The following ATE1 variants were observed in gnomAD, a reference collection of about 807,000 sequenced individuals.
ATE1 encodes arginyltransferase 1, also known as arginyl-tRNA--protein transferase 1.
ATE1 carries 36 observed loss-of-function variants against 70.5 expected under a neutral mutation model. The ratio of observed to expected loss-of-function variants is 0.51; its 90% CI spans 0.39 to 0.67. The LOEUF (loss-of-function observed/expected upper bound fraction) is 0.67. Among genes scored for constraint, ATE1 ranks in the 30% least tolerant of loss-of-function variants. ATE1 has a pLI of 0.00. For missense variants in ATE1, 593 were observed against 629.5 expected, an observed-to-expected ratio of 0.94 and a Z score of 0.62; for synonymous variants, 232 against 219.3, an observed-to-expected ratio of 1.06 and a Z score of -0.51.
At chr10:121,919,605 C>T (rs1054614846) in intron 3 of ATE1, among the ~76,000 whole-genome samples, 6 of 151,614 alleles carry the variant, frequency 4.0e-5, no homozygotes, top group African/African-American at 7.3e-5. Flanking sequence ...TGGGAGTCTG[C>T]GATCATTCTA....
At chr10:121,926,882 C>G in intron 1 of ATE1, 1 of 985,416 alleles carries the variant, frequency 1.0e-6, no homozygotes, top group Non-Finnish European at 1.2e-6. Flanking sequence ...TCACTTCTAA[C>G]GATTGCATAA....
chr10:121,759,092 C>A (rs1398148386), intron 11 of ATE1, among the ~76,000 whole-genome samples: 3 of 152,194 alleles, frequency 2.0e-5, no homozygotes, highest in Non-Finnish European at 4.4e-5. Flanking sequence ...GATGAAGGCA[C>A]ACTGAAAGCT....
intron 8 of ATE1, among the ~76,000 whole-genome samples, chr10:121,859,262 T>TA (rs1949378512): frequency 7.0e-6 from 1 of 143,424 alleles, no homozygotes; most frequent in East Asian, 2.3e-4. Context: ...TTTATTTTAT[T>TA]TTTTTTTTTT....
intron 5 of ATE1, among the ~76,000 whole-genome samples, chr10:121,902,960 G>A (rs1438535951): frequency 6.6e-6 from 1 of 151,886 alleles, no homozygotes; most frequent in Non-Finnish European, 1.5e-5. Flanking sequence ...CCGCCTCCCA[G>A]GTTCAAGCAA....
intron 11 of ATE1, among the ~76,000 whole-genome samples, chr10:121,763,871 GAGCACTGTGGTGCACACCTGTAGTCCC>G (rs1259790538): frequency 6.6e-6 from 1 of 151,974 alleles, no homozygotes; most frequent in Non-Finnish European, 1.5e-5. Flanking sequence ...AAAATTAGCC[GAGCACTGTGGTGCACACCTGTAGTCCC>G]AGCTACTTGG....
At chr10:121,874,150 T>C (rs1949953111) in intron 7 of ATE1, among the ~76,000 whole-genome samples, 1 of 152,164 alleles carries the variant, frequency 6.6e-6, no homozygotes, top group Admixed American at 6.5e-5. Context: ...TCAATCTAAA[T>C]TACACCTCAT....
intron 11 of ATE1, among the ~76,000 whole-genome samples, 188 bp from the exon 12 acceptor site, chr10:121,744,046 C>G (rs1944246900): frequency 6.6e-6 from 1 of 150,948 alleles, no homozygotes; most frequent in African/African-American, 2.4e-5. Context: ...CCTCAGCCTC[C>G]CAAGTAGCTG....
chr10:121,791,844 C>T (rs1328493554), intron 10 of ATE1, among the ~76,000 whole-genome samples: 2 of 152,182 alleles, frequency 1.3e-5, no homozygotes, highest in Admixed American at 6.5e-5. Flanking sequence ...AAATGAGTTA[C>T]ACCATAGAGT....
chr10:121,777,742 T>C (rs1028572781), intron 11 of ATE1, among the ~76,000 whole-genome samples: 1 of 152,228 alleles, frequency 6.6e-6, no homozygotes, highest in Admixed American at 6.5e-5. Context: ...ACTATGTAAA[T>C]AACTGATTTA....
At chr10:121,827,160 T>C (rs115414571) in intron 10 of ATE1, among the ~76,000 whole-genome samples, 2,036 of 152,128 alleles carry the variant, frequency 0.013, 54 homozygotes, top group African/African-American at 0.047. Context: ...ACTACAGGTG[T>C]GCGCCACCAT....
intron 10 of ATE1, among the ~76,000 whole-genome samples, chr10:121,829,636 G>A (rs1197441372): frequency 6.6e-6 from 1 of 150,442 alleles, no homozygotes. Flanking sequence ...TAAACCTAGA[G>A]GGGCGGAGGT....
At chr10:121,875,561 T>G (rs1950025962) in intron 7 of ATE1, among the ~76,000 whole-genome samples, 1 of 152,112 alleles carries the variant, frequency 6.6e-6, no homozygotes, top group South Asian at 2.1e-4. Flanking sequence ...CGCCTCGGCC[T>G]CCCAAACTGC....
At chr10:121,751,314 C>T (rs1944569466) in intron 11 of ATE1, among the ~76,000 whole-genome samples, 1 of 152,088 alleles carries the variant, frequency 6.6e-6, no homozygotes, top group Non-Finnish European at 1.5e-5. Flanking sequence ...TTATACAAAC[C>T]AAGGACTTAC....
At chr10:121,814,465 G>A (rs140492030) in intron 10 of ATE1, among the ~76,000 whole-genome samples, 74 of 152,302 alleles carry the variant, frequency 4.9e-4, no homozygotes, top group African/African-American at 1.8e-3. Context: ...AGCTGGTGAC[G>A]ATGACTTCTC....
intron 11 of ATE1, among the ~76,000 whole-genome samples, chr10:121,786,418 T>C (rs1347113359): frequency 1.3e-5 from 2 of 152,082 alleles, no homozygotes; most frequent in African/African-American, 4.8e-5. Flanking sequence ...CCTATAATCC[T>C]GGCACTTTCA....
chr10:121,872,195 T>C (rs1174891031), intron 7 of ATE1, among the ~76,000 whole-genome samples: 2 of 152,224 alleles, frequency 1.3e-5, no homozygotes, highest in African/African-American at 4.8e-5. Flanking sequence ...GAAGCTACTT[T>C]AAATAACAAT....
Position 121,860,889 on chromosome 10 carries a change from G to A in ATE1, c.975+9117C>T, listed in dbSNP as rs534503956. Among the ~76,000 whole-genome samples the A allele has an allele frequency of 2.0e-5, 3 of 152,220 alleles. No individual in the cohort carries two copies. The South Asian group carries it at 6.2e-4, about 32-fold the overall frequency. ...ATCCAGAGTAACTATGCTTATGTGA[G>A]CCCTTACTTAACGTCGTCAGTTCAA... is the stretch of plus-strand genomic sequence containing the variant. On this transcript the variant is annotated intron_variant, in intron 8 of 11. Transcript: ENST00000224652.
intron 8 of ATE1, among the ~76,000 whole-genome samples, chr10:121,857,677 C>T (rs763510345): frequency 1.5e-4 from 23 of 152,288 alleles, no homozygotes; most frequent in Admixed American, 1.1e-3. Flanking sequence ...CTATTCACAA[C>T]GGCAAAGAAA....
chr10:121,916,038 C>A (rs1045330371), intron 3 of ATE1, among the ~76,000 whole-genome samples: 4 of 150,572 alleles, frequency 2.7e-5, no homozygotes, highest in Non-Finnish European at 5.9e-5. Context: ...AGATGGAGAC[C>A]ACCCTGGCTA....
Sources: allele counts gnomAD v4.1 joint callset (sites outside exome capture counted in the v4.1 genomes callset), GRCh38; gene constraint gnomAD v4.1.1; transcripts MANE v1.5; gene names NCBI Gene and HGNC (gene_info 2026-07-23, HGNC 2026-07-21).